Variants in SPAST observed in about 807,000 individuals in gnomAD.
SPAST encodes spastin.
SPAST carries 30 observed loss-of-function variants against 76.6 expected under a neutral mutation model. The observed-to-expected ratio is 0.39, with a 90% confidence interval of 0.29 to 0.53. The LOEUF is 0.53. Among genes scored for constraint, SPAST ranks in the 20% least tolerant of loss-of-function variants. The pLI, the probability that SPAST is intolerant of heterozygous loss-of-function variation, is 0.68. For missense variants in SPAST, 717 were observed against 770.5 expected (o/e 0.93, Z 0.82); for synonymous variants, 305 against 281.0 (o/e 1.09, Z -0.86).
chr2:32,128,210 G>C, intron 8 of SPAST, 198 bp from the exon 9 acceptor site: 1 of 525,462 alleles, frequency 1.9e-6, no homozygotes, highest in South Asian at 2.1e-5. Flanking sequence ...GGCCAGGCTG[G>C]TCTCAAACTC....
At chr2:32,128,194 C>A (rs1679257327) in intron 8 of SPAST, 1 of 487,086 alleles carries the variant, frequency 2.1e-6, no homozygotes. Flanking sequence ...GGGATTTCAC[C>A]ATGTTGGCCA....
chr2:32,124,224 A>G (rs1339838359), intron 7 of SPAST, among the ~76,000 whole-genome samples: 2 of 152,200 alleles, frequency 1.3e-5, no homozygotes, highest in African/African-American at 4.8e-5. Flanking sequence ...CTGAACAGAC[A>G]CCTCACCAAG....
At position 32,156,840 on chromosome 2, in the gene SPAST, T is replaced by G. The variant is rs1680270940; in HGVS notation, c.*2344T>G. ...AGATAAAAGTCAGGTTAATACTATC[T>G]TAAACACTGAGTCAGAAAATCATTA... is the stretch of plus-strand genomic sequence containing the variant. On this transcript the variant is annotated 3_prime_UTR_variant, in exon 17 of 17. Coordinates refer to ENST00000315285, the MANE Select transcript of SPAST (RefSeq NM_014946.4). 6.6e-6 allele frequency: 1 copy of G among 152,182 alleles called. No homozygotes were observed. The highest frequency in any genetic ancestry group is 6.5e-5 in the Admixed American group (1 of 15,274). 9.4% of individuals were successfully genotyped at this position (152,182 alleles called of 1,614,324 possible).
At chr2:32,142,086 T>A in intron 13 of SPAST, 140 bp downstream of exon 13, 1 of 700,084 alleles carries the variant, frequency 1.4e-6, no homozygotes, top group Non-Finnish European at 2.4e-6. Context: ...TACATAAGCT[T>A]ACTGTCAGAG....
intron 7 of SPAST, among the ~76,000 whole-genome samples, chr2:32,125,334 A>T (rs546159212): frequency 6.6e-6 from 1 of 151,808 alleles, no homozygotes; most frequent in African/African-American, 2.4e-5. Context: ...AGCGATTCTC[A>T]TGCCTCAACC....
intron 1 of SPAST, among the ~76,000 whole-genome samples, chr2:32,074,833 T>C (rs932002974): frequency 3.9e-5 from 6 of 152,144 alleles, no homozygotes; most frequent in Admixed American, 6.6e-5. Context: ...GGGTCAACTT[T>C]TACCCTTTTC....
intron 4 of SPAST, among the ~76,000 whole-genome samples, chr2:32,109,760 A>G (rs1019661679): frequency 2.7e-5 from 4 of 149,052 alleles, no homozygotes; most frequent in African/African-American, 9.8e-5. Flanking sequence ...AGCTATCTGT[A>G]TATAGTTATA....
intron 7 of SPAST, among the ~76,000 whole-genome samples, chr2:32,121,686 G>C (rs139765642): frequency 9.9e-5 from 15 of 151,694 alleles, no homozygotes; most frequent in African/African-American, 3.4e-4. Flanking sequence ...GATTACAGGT[G>C]CCCACCACCA....
intron 1 of SPAST, among the ~76,000 whole-genome samples, chr2:32,087,054 T>G (rs193165600): frequency 1.0e-3 from 152 of 152,298 alleles, no homozygotes; most frequent in Middle Eastern, 6.8e-3. Flanking sequence ...AATCAATTGT[T>G]AAATAAAAAC....
intron 3 of SPAST, among the ~76,000 whole-genome samples, chr2:32,093,351 G>A (rs565071432): frequency 6.6e-5 from 10 of 151,176 alleles, no homozygotes; most frequent in South Asian, 4.2e-4. Flanking sequence ...GCATGGTGGC[G>A]GGCACCTCTA....
intron 9 of SPAST, among the ~76,000 whole-genome samples, chr2:32,135,220 C>G (rs549067167): frequency 1.1e-4 from 16 of 151,502 alleles, no homozygotes; most frequent in African/African-American, 3.9e-4. Flanking sequence ...AGCTCCACCT[C>G]CTGGGTTCAC....
chr2:32,126,012 G>T (rs972447837), intron 7 of SPAST, among the ~76,000 whole-genome samples: 1 of 151,984 alleles, frequency 6.6e-6, no homozygotes, highest in East Asian at 1.9e-4. Context: ...AGCCAGGATG[G>T]TCTCGATCTC....
chr2:32,133,503 T>C (rs1679436779), intron 9 of SPAST, among the ~76,000 whole-genome samples: 1 of 152,250 alleles, frequency 6.6e-6, no homozygotes, highest in Non-Finnish European at 1.5e-5. Context: ...ATGTAGGATT[T>C]TGTGTGTATG....
intron 1 of SPAST, among the ~76,000 whole-genome samples, chr2:32,078,267 G>A (rs1219429942): frequency 6.6e-6 from 1 of 152,162 alleles, no homozygotes; most frequent in Non-Finnish European, 1.5e-5. Flanking sequence ...TGCCTCCCAG[G>A]TTCAAGTGAT....
At position 32,151,899 on chromosome 2, in the gene SPAST, G is replaced by A. The variant is rs189267422; in HGVS notation, c.1729-2475G>A. Among the ~76,000 whole-genome samples, 46 of 148,024 alleles carry A rather than the reference G, an allele frequency of 3.1e-4. No individual in the cohort carries two copies. The East Asian group carries it at 7.8e-3, about 25-fold the overall frequency. Reference sequence around the variant, plus strand: ...GCACTCCAGTCTGTGCGACAGGAGCGAGACTCCATCTCCAAAAAAAAAAAA... The same window carrying A: ...GCACTCCAGTCTGTGCGACAGGAGCAAGACTCCATCTCCAAAAAAAAAAAA... On this transcript the variant is annotated intron_variant, in intron 16 of 16. Coordinates refer to ENST00000315285, the MANE Select transcript of SPAST (RefSeq NM_014946.4).
intron 12 of SPAST, among the ~76,000 whole-genome samples, chr2:32,140,947 T>TG (rs1558339243): frequency 8.1e-5 from 12 of 149,038 alleles, no homozygotes; most frequent in East Asian, 2.0e-4. Flanking sequence ...GTTGTTGTTT[T>TG]TTTTTTTTTT....
chr2:32,097,546 C>G (rs750548358), intron 3 of SPAST, among the ~76,000 whole-genome samples: 8 of 152,016 alleles, frequency 5.3e-5, no homozygotes, highest in Non-Finnish European at 8.8e-5. Context: ...CTGCAGTATG[C>G]TTATTTGACT....
chr2:32,079,482 G>A (rs952432244), intron 1 of SPAST, among the ~76,000 whole-genome samples: 7 of 151,432 alleles, frequency 4.6e-5, no homozygotes, highest in African/African-American at 1.5e-4. Context: ...CTCTAGCATG[G>A]GTGACAGAGC....
intron 12 of SPAST, among the ~76,000 whole-genome samples, chr2:32,141,481 C>G (rs1027889952): frequency 7.2e-5 from 11 of 152,202 alleles, no homozygotes; most frequent in Admixed American, 2.6e-4. Flanking sequence ...CTTTGTGTGT[C>G]TTCCTTTGTC....
Sources: allele counts gnomAD v4.1 joint callset (sites outside exome capture counted in the v4.1 genomes callset), GRCh38; gene constraint gnomAD v4.1.1; transcripts MANE v1.5; gene names NCBI Gene and HGNC (gene_info 2026-07-23, HGNC 2026-07-21).